The following OSBP2 variants were observed in gnomAD, a reference collection of about 807,000 sequenced individuals.
OSBP2 encodes the protein oxysterol-binding protein 2.
A neutral mutation model predicts 96.0 loss-of-function variants in OSBP2; 66 were observed. The observed-to-expected ratio is 0.69, with a 90% CI of 0.56 to 0.84. The LOEUF is 0.84. Ranked by LOEUF, OSBP2 falls within the 40% of genes least tolerant of loss-of-function variation. The probability of loss-of-function intolerance (pLI) is 0.00; values close to 1 mark genes in which losing one functional copy is unlikely to be tolerated. For missense variants in OSBP2, 1,038 were observed against 1,222.7 expected, an observed-to-expected ratio of 0.85 and a Z score of 2.25; for synonymous variants, 525 against 520.9, an observed-to-expected ratio of 1.01 and a Z score of -0.11.
chr22:30,896,172 A>G (rs2040063565), intron 12 of OSBP2, among the ~76,000 whole-genome samples: 1 of 151,586 alleles, frequency 6.6e-6, no homozygotes, highest in Non-Finnish European at 1.5e-5. Flanking sequence ...GGGGCATGCT[A>G]CTGTGCTCGC....
At position 30,803,391 on chromosome 22, in the gene OSBP2, G is replaced by A. The variant is rs138897218; in HGVS notation, c.853+62022G>A. ...GCCCTCACAAGCCAGGGGACAAAGGGTTTAGCCAGAAGCCAGACAGTCACA... is the reference window on the plus strand; with the variant it reads ...GCCCTCACAAGCCAGGGGACAAAGGATTTAGCCAGAAGCCAGACAGTCACA... On this transcript the variant is annotated intron_variant, in intron 2 of 13. Transcript: ENST00000332585. Among the ~76,000 whole-genome samples, 737 of 152,350 alleles carry A rather than the reference G, an allele frequency of 4.8e-3. 8 individuals carry two copies. The highest frequency in any genetic ancestry group is 0.017 in the African/African-American group (712 of 41,582).
At chr22:30,864,256 C>A (rs1017900273) in intron 2 of OSBP2, among the ~76,000 whole-genome samples, 1 of 152,110 alleles carries the variant, frequency 6.6e-6, no homozygotes, top group African/African-American at 2.4e-5. Flanking sequence ...ACATCACATT[C>A]TTTTAAATAT....
At chr22:30,893,029 C>CTGAG (rs1399270354) in intron 8 of OSBP2, 93 bp from the exon 9 acceptor site, 7 of 1,518,186 alleles carry the variant, frequency 4.6e-6, no homozygotes, top group Admixed American at 3.4e-5. Flanking sequence ...GCTGTGCCTG[C>CTGAG]TGAGGCAGGG....
Position 30,870,771 on chromosome 22 carries a change from G to A in OSBP2, c.1107+89G>A. ...TGGGTGACCAGGGTCAGCTTGAAGG[G>A]TCAGCGTTCCATTTCCTGCGGTTCC... On this transcript the variant is annotated intron_variant, in intron 3 of 13. Transcript: ENST00000332585. The surrounding 1 kb of genome is among the most constrained non-coding windows in gnomAD (Gnocchi z 4.1). 7.2e-7 allele frequency: 1 copy of A among 1,381,360 alleles called. No individual in the cohort carries two copies. The highest frequency in any genetic ancestry group is 1.9e-5 in the Admixed American group (1 of 51,828). The allele number at this position is 1,381,360 out of a possible 1,614,324, so 85.6% of individuals were successfully genotyped here.
At chr22:30,714,086 A>G (rs1276638332) in intron 1 of OSBP2, among the ~76,000 whole-genome samples, 1 of 152,114 alleles carries the variant, frequency 6.6e-6, no homozygotes, top group Non-Finnish European at 1.5e-5. Context: ...CCCAGCCTCT[A>G]ATAACTACTA....
rs1021784653 is a variant in OSBP2 at position 30,695,022 on chromosome 22, G to A, written c.113G>A (p.Gly38Asp). Residue 38 changes from glycine to aspartate, a missense_variant, in exon 1 of 14, where the codon GGC (glycine) becomes GAC (aspartate). By Grantham distance (94) the Gly-to-Asp change is moderately conservative. Transcript: ENST00000332585. ...PCLSCHTAAP[G>D]MSASTSGSGP... ...CTGTCGTGCCACACGGCGGCGCCGGGCATGAGCGCTTCCACGTCCGGCTCC... is the reference window on the plus strand; with the variant it reads ...CTGTCGTGCCACACGGCGGCGCCGGACATGAGCGCTTCCACGTCCGGCTCC... 3.2e-6 allele frequency: 5 copies of A among 1,586,204 alleles called. No homozygotes were observed. The highest frequency in any genetic ancestry group is 4.3e-6 in the Non-Finnish European group (5 of 1,168,458).
At chr22:30,855,042 AT>A (rs1172143684) in intron 2 of OSBP2, among the ~76,000 whole-genome samples, 5 of 152,190 alleles carry the variant, frequency 3.3e-5, no homozygotes, top group African/African-American at 1.2e-4. Flanking sequence ...AACTGCTTGC[AT>A]GATTCAGTTA....
chr22:30,863,611 A>G (rs1413048377), intron 2 of OSBP2, among the ~76,000 whole-genome samples: 1 of 152,198 alleles, frequency 6.6e-6, no homozygotes, highest in African/African-American at 2.4e-5. Flanking sequence ...GGACAAGGTC[A>G]TGGGCTGGAA....
At chr22:30,843,333 C>T (rs1337452960) in intron 2 of OSBP2, among the ~76,000 whole-genome samples, 8 of 152,206 alleles carry the variant, frequency 5.3e-5, no homozygotes, top group South Asian at 4.2e-4. Context: ...AATTCGTAGA[C>T]GCCCTGAAGC....
At chr22:30,767,545 CT>C (rs695843) in intron 2 of OSBP2, among the ~76,000 whole-genome samples, 45,435 of 146,252 alleles carry the variant, frequency 0.31, 7,121 homozygotes, top group African/African-American at 0.41. Flanking sequence ...ATCAGAATTC[CT>C]TTTTTTTTTT....
At chr22:30,697,396 A>C (rs1261715444) in intron 1 of OSBP2, among the ~76,000 whole-genome samples, 1 of 152,136 alleles carries the variant, frequency 6.6e-6, no homozygotes, top group Non-Finnish European at 1.5e-5. Context: ...CTCCTGCCTC[A>C]GTCTCCCAAG....
At chr22:30,857,634 C>T (rs891168969) in intron 2 of OSBP2, among the ~76,000 whole-genome samples, 15 of 152,214 alleles carry the variant, frequency 9.9e-5, no homozygotes, top group African/African-American at 3.4e-4. Context: ...CTCCTCATTG[C>T]GGGCCAGCCA....
rs969419871 is a variant in OSBP2 at position 30,891,028 on chromosome 22, T to G, written c.1869+55T>G. The G allele has an allele frequency of 1.1e-5, 18 of 1,568,274 alleles. No individual in the cohort carries two copies. The African/African-American group carries it at 2.4e-4, about 21-fold the overall frequency. ...GCCCACCCACACTCTGGCCAAGCTG[T>G]TCCTGCCAGGCCCAAGGTGACAAAT... On this transcript the variant is annotated intron_variant, in intron 8 of 13. Transcript: ENST00000332585.
chr22:30,865,627 A>G (rs2039319717), intron 2 of OSBP2, among the ~76,000 whole-genome samples: 3 of 129,526 alleles, frequency 2.3e-5, no homozygotes, highest in Non-Finnish European at 4.9e-5. Flanking sequence ...GCAAGACTCC[A>G]TCTCAAAAAA....
At chr22:30,827,459 G>T (rs2038427776) in intron 2 of OSBP2, among the ~76,000 whole-genome samples, 1 of 152,182 alleles carries the variant, frequency 6.6e-6, no homozygotes, top group Non-Finnish European at 1.5e-5. Context: ...TTAAAATGAT[G>T]GCAGTAATAC....
At chr22:30,847,013 A>C (rs530466195) in intron 2 of OSBP2, among the ~76,000 whole-genome samples, 1 of 152,092 alleles carries the variant, frequency 6.6e-6, no homozygotes, top group Non-Finnish European at 1.5e-5. Context: ...AGTCTTTCTC[A>C]ATCACCCTGG....
At chr22:30,818,011 T>C (rs756649772) in intron 2 of OSBP2, among the ~76,000 whole-genome samples, 4 of 152,160 alleles carry the variant, frequency 2.6e-5, no homozygotes, top group Non-Finnish European at 5.9e-5. Flanking sequence ...TCCTCCCACC[T>C]CAGCCTCCCA....
At chr22:30,819,087 C>A (rs1165817552) in intron 2 of OSBP2, among the ~76,000 whole-genome samples, 3 of 152,190 alleles carry the variant, frequency 2.0e-5, no homozygotes, top group Admixed American at 2.0e-4. Flanking sequence ...GTAATCCCAG[C>A]ACTTTGAGAG....
intron 2 of OSBP2, among the ~76,000 whole-genome samples, chr22:30,826,640 ACC>A (rs951680174): frequency 3.3e-5 from 5 of 151,874 alleles, no homozygotes; most frequent in Non-Finnish European, 7.4e-5. Context: ...GCTGGGTTTT[ACC>A]TGTGTCTTAA....
Sources: allele counts gnomAD v4.1 joint callset (sites outside exome capture counted in the v4.1 genomes callset), GRCh38; gene constraint gnomAD v4.1.1; non-coding constraint Gnocchi (gnomAD v3.1); transcripts MANE v1.5; gene names NCBI Gene and HGNC (gene_info 2026-07-23, HGNC 2026-07-21).